The following DGKB variants were observed in gnomAD, a reference collection of about 807,000 sequenced individuals.
DGKB encodes the protein 90 kDa diacylglycerol kinase.
A neutral mutation model predicts 114.3 loss-of-function variants in DGKB; 67 were observed. The ratio of observed to expected loss-of-function variants is 0.59; its 90% CI spans 0.48 to 0.72. DGKB has a LOEUF of 0.72. DGKB is among the 30% of genes least tolerant of loss of function. The pLI is 0.00. For synonymous variants in DGKB, 398 were observed against 323.1 expected (o/e 1.23, Z -2.49); for missense variants, 907 against 975.2 (o/e 0.93, Z 0.93).
intron 13 of DGKB, among the ~76,000 whole-genome samples, chr7:14,650,666 T>G (rs1214465341): frequency 1.0e-5 from 1 of 96,488 alleles, no homozygotes; most frequent in Non-Finnish European, 2.1e-5. Context: ...CTGAAGGAAA[T>G]AGAGACACAA....
intron 12 of DGKB, among the ~76,000 whole-genome samples, chr7:14,674,402 C>T (rs2128952175): frequency 6.6e-6 from 1 of 152,166 alleles, no homozygotes; most frequent in East Asian, 1.9e-4. Context: ...ATAGTTTCCT[C>T]AAAATAAAAT....
chr7:14,867,922 C>A (rs925848570), intron 1 of DGKB, among the ~76,000 whole-genome samples: 2 of 152,116 alleles, frequency 1.3e-5, no homozygotes, highest in Admixed American at 6.6e-5. Flanking sequence ...GTAGCTTCAG[C>A]GAAGAATCCT....
intron 2 of DGKB, among the ~76,000 whole-genome samples, chr7:14,806,582 A>G (rs17288702): frequency 0.06 from 9,175 of 152,102 alleles, 378 homozygotes; most frequent in South Asian, 0.091. Flanking sequence ...TATTTAAAAT[A>G]AGGCATTGTA....
rs1823398367 is a variant in DGKB at position 14,694,110 on chromosome 7, T to C, written c.676A>G (p.Thr226Ala). The C allele has an allele frequency of 1.3e-6, 2 of 1,592,934 alleles. No individual in the cohort carries two copies. Among genetic ancestry groups the C allele is most frequent in the Non-Finnish European group, 1.7e-6 (2 of 1,168,252 alleles). Residue 226 changes from threonine (T) to alanine (A), a missense_variant, in exon 9 of 26, where the codon ACG (threonine) becomes GCG (alanine). Transcript: ENST00000402815. ...CCCAGGAGCACAAGAAGTGGAATCG[T>C]TGTCATTCCTCCTTGAATCCATTCC... Reference protein sequence around the residue: ...LEEWIQGGMTTIPLLVLLGLE... With the variant: ...LEEWIQGGMTAIPLLVLLGLE...
intron 1 of DGKB, among the ~76,000 whole-genome samples, chr7:14,955,467 T>G (rs984192797): frequency 2.6e-5 from 4 of 152,044 alleles, no homozygotes; most frequent in Admixed American, 6.6e-5. Flanking sequence ...GCTATTTATA[T>G]TCAACTAACT....
upstream of DGKB, among the ~76,000 whole-genome samples, chr7:14,905,819 C>T (rs371819389): frequency 1.3e-5 from 2 of 152,282 alleles, no homozygotes; most frequent in African/African-American, 2.4e-5. Context: ...AGTAAAATAA[C>T]GTTTGAATAC....
intron 5 of DGKB, 36 bp downstream of exon 5, chr7:14,736,005 T>A: frequency 7.7e-7 from 1 of 1,293,920 alleles, no homozygotes; most frequent in East Asian, 2.6e-5. Flanking sequence ...CCTTTGAAAT[T>A]TGTACTATAT....
chr7:14,547,336 A>C (rs1016328434), intron 20 of DGKB, among the ~76,000 whole-genome samples: 3 of 152,216 alleles, frequency 2.0e-5, no homozygotes, highest in African/African-American at 7.2e-5. Flanking sequence ...TAAAGGATAT[A>C]GTTACTTCTG....
chr7:14,541,598 T>C (rs1793462200), intron 20 of DGKB, among the ~76,000 whole-genome samples: 1 of 152,198 alleles, frequency 6.6e-6, no homozygotes, highest in African/African-American at 2.4e-5. Flanking sequence ...TGATAGTTAT[T>C]TTTAGAGAAC....
intron 25 of DGKB, among the ~76,000 whole-genome samples, chr7:14,160,317 A>T (rs1783686427): frequency 6.6e-6 from 1 of 152,182 alleles, no homozygotes; most frequent in Non-Finnish European, 1.5e-5. Context: ...TTCAAATAGG[A>T]AGAGAGGAAG....
intron 1 of DGKB, among the ~76,000 whole-genome samples, chr7:14,858,618 A>G (rs1850518363): frequency 6.6e-6 from 1 of 152,266 alleles, no homozygotes; most frequent in Admixed American, 6.5e-5. Context: ...GTGGATTATC[A>G]TTAGGTGGCA....
At chr7:14,445,802 T>C (rs1830650313) in intron 21 of DGKB, among the ~76,000 whole-genome samples, 1 of 152,020 alleles carries the variant, frequency 6.6e-6, no homozygotes. Context: ...ATGTTTTTTA[T>C]AAGCCATCAG....
chr7:14,304,491 A>G (rs1367131728), intron 23 of DGKB, among the ~76,000 whole-genome samples: 1 of 152,150 alleles, frequency 6.6e-6, no homozygotes, highest in East Asian at 1.9e-4. Flanking sequence ...CTGCCTCAGA[A>G]GGCTAGGTAA....
At chr7:14,580,822 T>TTGC in intron 19 of DGKB, 40 bp downstream of exon 19, 1 of 1,406,004 alleles carries the variant, frequency 7.1e-7, no homozygotes, top group Non-Finnish European at 9.9e-7. Flanking sequence ...GAAAGGGGTG[T>TTGC]TGTGTACTGT....
intron 1 of DGKB, among the ~76,000 whole-genome samples, chr7:14,914,746 C>T (rs866848297): frequency 1.3e-4 from 19 of 151,694 alleles, no homozygotes; most frequent in African/African-American, 1.9e-4. Flanking sequence ...GTTAAAGGAT[C>T]TAACGGAAAA....
chr7:14,740,995 C>T (rs1832506860), intron 4 of DGKB, among the ~76,000 whole-genome samples: 1 of 152,130 alleles, frequency 6.6e-6, no homozygotes, highest in Admixed American at 6.5e-5. Flanking sequence ...AGATGAGTAG[C>T]CATTCGTCTT....
chr7:14,747,775 G>GCGCGCGCGCGCGCACA, intron 4 of DGKB, among the ~76,000 whole-genome samples: 102 of 149,276 alleles, frequency 6.8e-4, no homozygotes, highest in Middle Eastern at 3.5e-3. Context: ...ACATCCACGC[G>GCGCGCGCGCGCGCACA]CACGCACACA....
rs546057898 is a variant in DGKB, at chr7:14,422,796, TA to T, written c.1835+55364del. 1.4e-4 allele frequency among the ~76,000 whole-genome samples: 22 copies of T among 152,066 alleles called. 1 individual carries two copies. The South Asian group carries it at 4.6e-3, about 32-fold the overall frequency. Reference sequence around the variant, plus strand: ...TTTCACAATATAATGAGCATGATAATAATAATAGTAGTAGTAATAAGAAATA... The same window carrying T: ...TTTCACAATATAATGAGCATGATAATATAATAGTAGTAGTAATAAGAAATA... On this transcript the variant is annotated intron_variant, in intron 21 of 25. Coordinates refer to ENST00000402815, the MANE Select transcript of DGKB (RefSeq NM_001350709.2).
At chr7:14,509,027 C>T (rs964913768) in intron 20 of DGKB, among the ~76,000 whole-genome samples, 7 of 152,160 alleles carry the variant, frequency 4.6e-5, no homozygotes, top group African/African-American at 1.7e-4. Context: ...CATCCTGCCA[C>T]ATTTCCAGAA....
Sources: gnomAD v4.1 joint callset for allele counts (sites outside exome capture counted in the v4.1 genomes callset) on GRCh38, gnomAD v4.1.1 for gene constraint, MANE v1.5 for transcripts, NCBI Gene and HGNC (gene_info 2026-07-23, HGNC 2026-07-21) for gene names.